The following POTEI variants were observed in gnomAD, a reference collection of about 807,000 sequenced individuals.
The protein encoded by POTEI is POTE ankyrin domain family member I.
In POTEI, 14 loss-of-function variants were observed where a neutral mutation model predicts 43.4. That is an observed-to-expected ratio of 0.32 (90% CI 0.21 to 0.50). The LOEUF (loss-of-function observed/expected upper bound fraction) is 0.50, where lower values mean the gene tolerates loss of function less well. Among genes scored for constraint, POTEI ranks in the 20% least tolerant of loss-of-function variants. The probability of loss-of-function intolerance (pLI) is 0.98; values close to 1 mark genes in which losing one functional copy is unlikely to be tolerated. For missense variants in POTEI, 235 were observed against 795.4 expected, an observed-to-expected ratio of 0.30 and a Z score of 8.47; for synonymous variants, 95 against 297.9, an observed-to-expected ratio of 0.32 and a Z score of 7.01.
At chr2:130,507,331 CACACACAT>C (rs1389788274) in intron 1 of POTEI, among the ~76,000 whole-genome samples, 1,226 of 61,416 alleles carry the variant, frequency 0.02, 100 homozygotes, top group Non-Finnish European at 0.037. Context: ...CACACACACA[CACACACAT>C]ATATATGTAT....
At chr2:130,507,303 TATATATATATATATAC>T (rs1684194847) in intron 1 of POTEI, among the ~76,000 whole-genome samples, 4 of 11,508 alleles carry the variant, frequency 3.5e-4, no homozygotes, top group Non-Finnish European at 1.0e-3. Context: ...TATATATATA[TATATATATATATATAC>T]ACACACACAC....
At chr2:130,502,086 C>G (rs62163633) in intron 3 of POTEI, among the ~76,000 whole-genome samples, 1 of 48,464 alleles carries the variant, frequency 2.1e-5, no homozygotes, top group Non-Finnish European at 5.5e-5. Flanking sequence ...TTGTTGTCGT[C>G]GTCGTTGTTG....
upstream of POTEI, chr2:130,509,393 C>T: frequency 4.9e-6 from 2 of 411,606 alleles, no homozygotes; most frequent in Non-Finnish European, 8.0e-6. Flanking sequence ...GCCCAACCCA[C>T]CCCACCCAGG....
chr2:130,508,665 T>A (rs1170826397), intron 1 of POTEI, 50 bp downstream of exon 1: 21 of 689,284 alleles, frequency 3.0e-5, no homozygotes, highest in Non-Finnish European at 3.6e-5. Flanking sequence ...GGAGGGTATG[T>A]CCCCATCATC....
intron 13 of POTEI, among the ~76,000 whole-genome samples, chr2:130,468,465 A>G (rs1244017841): frequency 6.6e-6 from 1 of 152,152 alleles, no homozygotes; most frequent in Non-Finnish European, 1.5e-5. Flanking sequence ...ACCATGGTAG[A>G]AGGGGAAGGG....
In POTEI at chr2:130,476,927, C is replaced by T. The variant is rs1276883011; in HGVS notation, c.1481-226G>A. Among the ~76,000 whole-genome samples the T allele has an allele frequency of 6.0e-5, 7 of 116,482 alleles. 1 individual carries two copies. Among genetic ancestry groups the T allele is most frequent in the Admixed American group, 5.3e-4 (6 of 11,252 alleles). 76.4% of individuals were successfully genotyped at this position (116,482 alleles called of 152,430 possible). ...GACAAACAAACATGTCAAAAATTCC[C>T]TCACAAATTCATCCACCCAACATCC... On this transcript the variant is annotated intron_variant, in intron 10 of 14. Transcript: ENST00000451531.
chr2:130,460,282 G>A lies in POTEI; in HGVS notation c.*2534C>T, dbSNP rs1385592681. The stretch of plus-strand genomic sequence containing the variant: ...CAGCCTCCAGAGATCAGGTCTCAGA[G>A]GAGAACTCTCTCAAAAGTGAACCCC... On this transcript the variant is annotated 3_prime_UTR_variant, in exon 15 of 15. Transcript: ENST00000451531. 6.6e-6 allele frequency: 1 copy of A among 151,830 alleles called. No individual in the cohort carries two copies. The highest frequency in any genetic ancestry group is 2.4e-5 in the African/African-American group (1 of 41,218). The allele number at this position is 151,830 out of a possible 1,614,324, so 9.4% of individuals were successfully genotyped here.
chr2:130,507,046 C>A (rs971020065), intron 1 of POTEI, among the ~76,000 whole-genome samples: 3 of 147,676 alleles, frequency 2.0e-5, no homozygotes, highest in East Asian at 4.0e-4. Flanking sequence ...GGGTGGATCA[C>A]GAGGACAGGA....
chr2:130,496,335 G>A (rs570687902), intron 6 of POTEI, among the ~76,000 whole-genome samples: 1,410 of 93,720 alleles, frequency 0.015, 50 homozygotes, highest in African/African-American at 0.037. Flanking sequence ...GAGCTTCCAC[G>A]GATTCTACAT....
intron 10 of POTEI, among the ~76,000 whole-genome samples, chr2:130,477,242 C>G (rs1433921315): frequency 1.3e-5 from 2 of 149,116 alleles, no homozygotes; most frequent in East Asian, 2.0e-4. Context: ...CAACCTCCGC[C>G]TCCCTGGTTC....
rs1553470743 is a variant in POTEI at position 130,506,514 on chromosome 2, TTC to T, written c.521+2199_521+2200del. ...GTATTTCATTCCTTTTTTTTTTTTT[TTC>T]TTTTTTTTTTGAGATGGAGTCTCAC... On this transcript the variant is annotated intron_variant, in intron 1 of 14. Coordinates refer to ENST00000451531, the MANE Select transcript of POTEI (RefSeq NM_001277406.2). Among the ~76,000 whole-genome samples the T allele has an allele frequency of 3.4e-3, 99 of 28,734 alleles. 9 individuals are homozygous for T. The highest frequency in any genetic ancestry group is 5.7e-3 in the African/African-American group (50 of 8,838). 18.9% of individuals were successfully genotyped at this position (28,734 alleles called of 152,430 possible).
chr2:130,491,792 T>C (rs1683746616), intron 6 of POTEI, among the ~76,000 whole-genome samples: 1 of 106,936 alleles, frequency 9.4e-6, no homozygotes, highest in Non-Finnish European at 2.1e-5. Flanking sequence ...GAAGCTGGGA[T>C]TACAGGCATG....
At chr2:130,474,082 C>G (rs1683100357) in intron 13 of POTEI, among the ~76,000 whole-genome samples, 1 of 147,642 alleles carries the variant, frequency 6.8e-6, no homozygotes, top group Non-Finnish European at 1.5e-5. Flanking sequence ...CTCCATGATA[C>G]AGTTTACCTA....
At chr2:130,467,610 A>G (rs1682875556) in intron 13 of POTEI, among the ~76,000 whole-genome samples, 1 of 151,424 alleles carries the variant, frequency 6.6e-6, no homozygotes. Flanking sequence ...CAAAAATGTA[A>G]ATAAATAAAT....
chr2:130,477,307 C>A (rs1241364094), intron 10 of POTEI, among the ~76,000 whole-genome samples: 30 of 145,404 alleles, frequency 2.1e-4, no homozygotes, highest in Non-Finnish European at 3.3e-4. Context: ...GCAAGCACCA[C>A]CACACCCAGC....
intron 1 of POTEI, among the ~76,000 whole-genome samples, chr2:130,507,327 C>CATATATATGTATATAT (rs1684205493): frequency 1.3e-5 from 1 of 74,968 alleles, no homozygotes; most frequent in African/African-American, 4.2e-5. Context: ...TACACACACA[C>CATATATATGTATATAT]ACACACACAC....
rs1178193134 is a variant in POTEI at position 130,494,086 on chromosome 2, G to T, written c.1126+2466C>A. 4.9e-5 allele frequency among the ~76,000 whole-genome samples: 2 copies of T among 40,968 alleles called. 1 individual carries two copies. Among genetic ancestry groups the T allele is most frequent in the African/African-American group, 1.2e-4 (2 of 16,946 alleles). 26.9% of individuals were successfully genotyped at this position (40,968 alleles called of 152,430 possible). On this transcript the variant is annotated intron_variant, in intron 6 of 14. Coordinates refer to ENST00000451531, the MANE Select transcript of POTEI (RefSeq NM_001277406.2). ...ACAGGCCAAATCCAATCTGCATTAT[G>T]GTTTTGTAAATAAAGTTTTATAGGA...
Position 130,470,402 on chromosome 2 carries a change from C to T in POTEI, c.1778+3976G>A, listed in dbSNP as rs1450351128. On this transcript the variant is annotated intron_variant, in intron 13 of 14. Coordinates refer to ENST00000451531, the MANE Select transcript of POTEI (RefSeq NM_001277406.2). ...AAGGGTGGTGGGAAAGTTGGGATGG[C>T]CAGAAAAGTCCCTGCTGAGAAAGAG... Among the ~76,000 whole-genome samples, 3 of 6,146 alleles carry T rather than the reference C, an allele frequency of 4.9e-4. 1 individual carries two copies. Among genetic ancestry groups the T allele is most frequent in the African/African-American group, 5.2e-4 (3 of 5,720 alleles). The allele number at this position is 6,146 out of a possible 152,430, so 4.0% of individuals were successfully genotyped here.
At chr2:130,492,863 C>A (rs1683794573) in intron 6 of POTEI, among the ~76,000 whole-genome samples, 1 of 148,848 alleles carries the variant, frequency 6.7e-6, no homozygotes, top group Non-Finnish European at 1.5e-5. Flanking sequence ...AGCAAAGAAA[C>A]CACATTGCGT....
Sources: gnomAD v4.1 joint callset for allele counts (sites outside exome capture counted in the v4.1 genomes callset) on GRCh38, gnomAD v4.1.1 for gene constraint, MANE v1.5 for transcripts, NCBI Gene and HGNC (gene_info 2026-07-23, HGNC 2026-07-21) for gene names.